PRR16: variants seen among roughly 807,000 people sequenced by gnomAD.
The protein encoded by PRR16 is proline rich 16.
A neutral mutation model predicts 18.2 loss-of-function variants in PRR16; 6 were observed. That is an observed-to-expected ratio of 0.33 (90% CI 0.18 to 0.65). PRR16 has a LOEUF of 0.65. PRR16 is among the 30% of genes least tolerant of loss of function. The probability of loss-of-function intolerance (pLI) is 0.74; values close to 1 mark genes in which losing one functional copy is unlikely to be tolerated. For synonymous variants in PRR16, 151 were observed against 147.8 expected (o/e 1.02, Z -0.16); for missense variants, 412 against 376.6 (o/e 1.09, Z -0.78).
In PRR16 at chr5:120,686,256, A is replaced by G. The variant is rs971727432; in HGVS notation, c.462A>G (p.Leu154=). The G allele has an allele frequency of 2.3e-5, 37 of 1,613,970 alleles. No individual in the cohort carries two copies. Among genetic ancestry groups the G allele is most frequent in the Non-Finnish European group, 2.9e-5 (34 of 1,180,026 alleles). ...CTGTAAAAACCAATGGCACCCTTCT[A>G]CGAAATGGAGGCTTACCAGGTGGAC... is the stretch of plus-strand genomic sequence containing the variant. The part of the protein sequence containing the change: ...ANPVKTNGTL[L]RNGGLPGGPN... Residue 154 remains leucine, a synonymous_variant, in exon 2 of 2, where the codon CTA becomes CTG. Coordinates refer to ENST00000407149, the MANE Select transcript of PRR16 (RefSeq NM_001300783.2).
At chr5:120,531,693 T>C (rs1751556411) in intron 1 of PRR16, 1 of 152,092 alleles carries the variant, frequency 6.6e-6, no homozygotes, top group Non-Finnish European at 1.5e-5. Flanking sequence ...ATCTAAATGA[T>C]ACTTCACAAC....
intron 1 of PRR16, among the ~76,000 whole-genome samples, chr5:120,558,499 A>G (rs888701560): frequency 2.0e-5 from 3 of 151,966 alleles, no homozygotes; most frequent in Admixed American, 6.6e-5. Flanking sequence ...TTGTGATTAA[A>G]TAGTACTCCG....
intron 1 of PRR16, among the ~76,000 whole-genome samples, chr5:120,585,543 C>A (rs1159693117): frequency 6.6e-6 from 1 of 151,334 alleles, no homozygotes; most frequent in Non-Finnish European, 1.5e-5. Flanking sequence ...CTCTTGAACC[C>A]AGGAATTGGA....
chr5:120,537,490 G>C (rs75235927), intron 1 of PRR16, among the ~76,000 whole-genome samples: 2,054 of 152,088 alleles, frequency 0.014, 50 homozygotes, highest in African/African-American at 0.047. Flanking sequence ...TTGCACAAAT[G>C]TTACCCATAC....
At chr5:120,640,991 TAAG>T in intron 1 of PRR16, among the ~76,000 whole-genome samples, 1 of 152,184 alleles carries the variant, frequency 6.6e-6, no homozygotes, top group East Asian at 1.9e-4. Flanking sequence ...CCAAAATTTT[TAAG>T]AAGAGGCGAT....
At chr5:120,621,714 C>G (rs548873259) in intron 1 of PRR16, among the ~76,000 whole-genome samples, 1 of 152,188 alleles carries the variant, frequency 6.6e-6, no homozygotes, top group African/African-American at 2.4e-5. Context: ...CTACTTTGTA[C>G]TTTGGTTAGC....
intron 1 of PRR16, among the ~76,000 whole-genome samples, chr5:120,485,101 A>G (rs1015383352): frequency 6.6e-6 from 1 of 152,032 alleles, no homozygotes; most frequent in Non-Finnish European, 1.5e-5. Context: ...TATTTCACAT[A>G]CACAATTTTG....
chr5:120,584,320 G>C lies in PRR16; in HGVS notation c.160-101634G>C, dbSNP rs117534679. 5.9e-5 allele frequency among the ~76,000 whole-genome samples: 9 copies of C among 152,246 alleles called. No individual in the cohort carries two copies. In the East Asian group the frequency reaches 1.7e-3, roughly 29 times the overall value. On this transcript the variant is annotated intron_variant, in intron 1 of 1. Coordinates refer to ENST00000407149, the MANE Select transcript of PRR16 (RefSeq NM_001300783.2). ...GAGACTTGGTAAGGAGTTTTTAAAA[G>C]AGGACATCAAAAATTATAAGCCTTA...
intron 1 of PRR16, among the ~76,000 whole-genome samples, chr5:120,669,042 C>G (rs867687553): frequency 1.3e-5 from 2 of 152,186 alleles, no homozygotes; most frequent in Middle Eastern, 3.4e-3. Context: ...AAGATTTATC[C>G]AAGTGTTTTT....
At chr5:120,543,205 T>C (rs1396116035) in intron 1 of PRR16, among the ~76,000 whole-genome samples, 1 of 152,182 alleles carries the variant, frequency 6.6e-6, no homozygotes, top group Admixed American at 6.6e-5. Context: ...TGTAAAATAC[T>C]TGCTTGGGAA....
At chr5:120,702,950 G>C in the PRR16 span, among the ~76,000 whole-genome samples, 1 of 152,118 alleles carries the variant, frequency 6.6e-6, no homozygotes, top group Non-Finnish European at 1.5e-5. Flanking sequence ...TCCGAGTCAC[G>C]GCACTAAATT....
intron 1 of PRR16, among the ~76,000 whole-genome samples, chr5:120,547,262 A>G (rs1210681785): frequency 6.6e-6 from 1 of 152,108 alleles, no homozygotes; most frequent in African/African-American, 2.4e-5. Context: ...GGCCTTGATG[A>G]ATTCTAAAGA....
chr5:120,670,528 A>G (rs1293388533), intron 1 of PRR16, among the ~76,000 whole-genome samples: 1 of 152,162 alleles, frequency 6.6e-6, no homozygotes, highest in African/African-American at 2.4e-5. Context: ...CCTATTCTAC[A>G]AGAATTTCAA....
At chr5:120,719,676 G>T in the PRR16 span, among the ~76,000 whole-genome samples, 1 of 152,012 alleles carries the variant, frequency 6.6e-6, no homozygotes, top group Non-Finnish European at 1.5e-5. Flanking sequence ...TAGAAAAATA[G>T]CATGGCAGCT....
At chr5:120,583,383 A>G (rs1262662754) in intron 1 of PRR16, among the ~76,000 whole-genome samples, 1 of 151,884 alleles carries the variant, frequency 6.6e-6, no homozygotes, top group Non-Finnish European at 1.5e-5. Flanking sequence ...TGGAGAATAT[A>G]ACCTGTTCTT....
chr5:120,586,050 G>A (rs573059538), intron 1 of PRR16, among the ~76,000 whole-genome samples: 3 of 151,912 alleles, frequency 2.0e-5, no homozygotes, highest in Admixed American at 6.6e-5. Flanking sequence ...GCACGTGCCT[G>A]TAGTCCCAGC....
Position 120,626,316 on chromosome 5 carries a change from T to G in PRR16, c.160-59638T>G, listed in dbSNP as rs114821829. Among the ~76,000 whole-genome samples, 1,098 of 152,086 alleles carry G rather than the reference T, an allele frequency of 7.2e-3. 14 individuals carry two copies. The highest frequency in any genetic ancestry group is 0.025 in the African/African-American group (1,051 of 41,498). On this transcript the variant is annotated intron_variant, in intron 1 of 1. Transcript: ENST00000407149. ...CTGCTGACACATGCTCCAACATGGATGAACCACAAAAAAAGCCCCACAGAA... is the reference window on the plus strand; with the variant it reads ...CTGCTGACACATGCTCCAACATGGAGGAACCACAAAAAAAGCCCCACAGAA...
chr5:120,508,532 C>G (rs937182525), intron 1 of PRR16, among the ~76,000 whole-genome samples: 1 of 151,966 alleles, frequency 6.6e-6, no homozygotes, highest in South Asian at 2.1e-4. Context: ...CCCAGGAAGC[C>G]TCAGTTGCTT....
the PRR16 span, among the ~76,000 whole-genome samples, chr5:120,754,226 A>AAT: frequency 6.5e-5 from 4 of 61,966 alleles, 1 homozygote; most frequent in South Asian, 1.4e-3. Context: ...TATAATATAT[A>AAT]ATATAATATA....
Sources: gnomAD v4.1 joint callset for allele counts (sites outside exome capture counted in the v4.1 genomes callset) on GRCh38, gnomAD v4.1.1 for gene constraint, MANE v1.5 for transcripts, NCBI Gene and HGNC (gene_info 2026-07-23, HGNC 2026-07-21) for gene names.